The following COL28A1 variants were observed in gnomAD, a reference collection of about 807,000 sequenced individuals.
The protein encoded by COL28A1 is collagen alpha-1(XXVIII) chain.
Under a neutral mutation model 150.2 loss-of-function variants are expected in COL28A1, and 161 were observed. The observed-to-expected ratio is 1.07, with a 90% CI of 0.94 to 1.22. The LOEUF (loss-of-function observed/expected upper bound fraction) is 1.22, where lower values mean the gene tolerates loss of function less well. COL28A1 is among the 50% of genes most tolerant of loss of function. COL28A1 has a pLI of 0.00. For missense variants in COL28A1, 1,617 were observed against 1,388.3 expected, an observed-to-expected ratio of 1.16 and a Z score of -2.62; for synonymous variants, 552 against 469.7, an observed-to-expected ratio of 1.18 and a Z score of -2.26.
intron 11 of COL28A1, among the ~76,000 whole-genome samples, chr7:7,501,407 C>G (rs1780517111): frequency 6.6e-6 from 1 of 152,144 alleles, no homozygotes; most frequent in Non-Finnish European, 1.5e-5. Flanking sequence ...TGGGGTACTT[C>G]GAAATGTCAC....
At chr7:7,391,368 G>T (rs1029729732) in intron 27 of COL28A1, among the ~76,000 whole-genome samples, 1 of 152,004 alleles carries the variant, frequency 6.6e-6, no homozygotes, top group African/African-American at 2.4e-5. Context: ...CCATTCTTTT[G>T]CATTTGCTGA....
At chr7:7,388,957 T>G (rs1438672942) in intron 27 of COL28A1, among the ~76,000 whole-genome samples, 2 of 152,216 alleles carry the variant, frequency 1.3e-5, no homozygotes, top group East Asian at 3.8e-4. Context: ...GCCTGTTCAC[T>G]CTGATGATAG....
intron 16 of COL28A1, among the ~76,000 whole-genome samples, chr7:7,454,095 A>G (rs141423644): frequency 2.0e-5 from 3 of 152,320 alleles, no homozygotes; most frequent in African/African-American, 7.2e-5. Flanking sequence ...GGATATGCAC[A>G]TATGTGTACA....
At chr7:7,490,455 G>T in intron 12 of COL28A1, 123 bp downstream of exon 12, 1 of 503,036 alleles carries the variant, frequency 2.0e-6, no homozygotes, top group Non-Finnish European at 3.6e-6. Context: ...ATAAAATGAA[G>T]TAACTTCAGG....
chr7:7,539,063 C>A (rs1349677514), upstream of COL28A1, among the ~76,000 whole-genome samples: 1 of 151,606 alleles, frequency 6.6e-6, no homozygotes, highest in African/African-American at 2.4e-5. Flanking sequence ...TTCTGGGATT[C>A]ATTATCCTTG....
Position 7,373,554 on chromosome 7 carries a change from A to C in COL28A1, c.2360-8T>G. 6.2e-7 allele frequency: 1 copy of C among 1,601,320 alleles called. No homozygotes were observed. The highest frequency in any genetic ancestry group is 8.5e-7 in the Non-Finnish European group (1 of 1,173,906). On this transcript the variant is annotated splice_polypyrimidine_tract_variant and splice_region_variant and intron_variant, in intron 31 of 34. Transcript: ENST00000399429. The surrounding 1 kb of genome is among the most constrained non-coding windows in gnomAD (Gnocchi z 4.1). ...TGCATTTGGGCCCACAACCTAAAAG[A>C]TGAATGTTGAGAGAGAAAAATTGTG... is the stretch of plus-strand genomic sequence containing the variant.
rs772536499 is a variant in COL28A1, at chr7:7,474,680, A to C, written c.1234-11T>G. On this transcript the variant is annotated splice_polypyrimidine_tract_variant and intron_variant, in intron 14 of 34. Transcript: ENST00000399429. ...AGAACCTTTTTCACCCTGAAAGTAC[A>C]AGGGAGGGATATCAATGCACCAACC... is the stretch of plus-strand genomic sequence containing the variant. 4 of 1,220,760 alleles carry C rather than the reference A, an allele frequency of 3.3e-6. No homozygotes were observed. The East Asian group carries it at 9.3e-5, about 28-fold the overall frequency. The allele number at this position is 1,220,760 out of a possible 1,614,324, so 75.6% of individuals were successfully genotyped here. A position where few individuals can be genotyped will look rare whatever the true frequency, so the allele number is the denominator to read the frequency against.
chr7:7,510,743 T>G (rs57928001), intron 9 of COL28A1, among the ~76,000 whole-genome samples: 2,363 of 152,346 alleles, frequency 0.016, 66 homozygotes, highest in African/African-American at 0.054. Flanking sequence ...GTGCCTGTTT[T>G]CAGTGTTTGC....
chr7:7,454,205 G>T (rs898910484), intron 16 of COL28A1, among the ~76,000 whole-genome samples: 5 of 152,160 alleles, frequency 3.3e-5, no homozygotes, highest in South Asian at 2.1e-4. Context: ...ATTTAAGAGA[G>T]ATTGTAAACA....
At chr7:7,434,006 C>A (rs1785170369) in intron 23 of COL28A1, among the ~76,000 whole-genome samples, 1 of 152,110 alleles carries the variant, frequency 6.6e-6, no homozygotes, top group Admixed American at 6.5e-5. Flanking sequence ...AAACTATTCT[C>A]AACTATACTC....
chr7:7,404,653 T>TC (rs1022115891), intron 27 of COL28A1, among the ~76,000 whole-genome samples: 2 of 152,092 alleles, frequency 1.3e-5, no homozygotes, highest in Non-Finnish European at 2.9e-5. Context: ...CATAAGGCCA[T>TC]CCACTAAAAT....
rs201544798 is a variant in COL28A1, at chr7:7,453,483, G to A, written c.1397C>T (p.Pro466Leu). The change falls in exon 17 of 35, where the codon CCT (proline) becomes CTT (leucine). Residue 466 changes from proline to leucine, a missense_variant. Transcript: ENST00000399429. ...EQGIQGPIGPPGPQGPAGQGL... is the reference protein window; with the variant it reads ...EQGIQGPIGPLGPQGPAGQGL... ...CTGTCCTGCGGGCCCTTGTGGACCA[G>A]GTGGACCAATAGGACCTTGGATTCC... 6 of 1,259,350 alleles carry A rather than the reference G, an allele frequency of 4.8e-6. No homozygotes were observed. The South Asian group carries it at 6.1e-5, about 13-fold the overall frequency. 78.0% of individuals were successfully genotyped at this position (1,259,350 alleles called of 1,614,324 possible).
chr7:7,498,291 A>G (rs1780328432), intron 11 of COL28A1, among the ~76,000 whole-genome samples: 1 of 152,210 alleles, frequency 6.6e-6, no homozygotes, highest in Non-Finnish European at 1.5e-5. Flanking sequence ...TGAGAATCGC[A>G]GCTCTAGAAG....
intron 15 of COL28A1, among the ~76,000 whole-genome samples, chr7:7,462,169 G>C (rs1377757864): frequency 6.6e-6 from 1 of 152,092 alleles, no homozygotes; most frequent in Non-Finnish European, 1.5e-5. Flanking sequence ...CACATCCCTA[G>C]AAAAAGGATG....
chr7:7,440,713 G>A, intron 21 of COL28A1, 77 bp downstream of exon 21: 1 of 621,362 alleles, frequency 1.6e-6, no homozygotes, highest in Non-Finnish European at 2.9e-6. Flanking sequence ...CCAATTTTCA[G>A]TGGAAATTTA....
At chr7:7,350,258 G>A in the COL28A1 span, among the ~76,000 whole-genome samples, 2 of 152,104 alleles carry the variant, frequency 1.3e-5, no homozygotes, top group Non-Finnish European at 2.9e-5. Flanking sequence ...AGGAGTGAGG[G>A]AGATGAAAGG....
At position 7,429,846 on chromosome 7, in the gene COL28A1, A is replaced by G. The variant is rs1254334797; in HGVS notation, c.1998+2627T>C. Among the ~76,000 whole-genome samples, 4 of 152,132 alleles carry G rather than the reference A, an allele frequency of 2.6e-5. No homozygotes were observed. In the South Asian group the frequency reaches 6.2e-4, roughly 24 times the overall value. On this transcript the variant is annotated intron_variant, in intron 25 of 34. Coordinates refer to ENST00000399429, the MANE Select transcript of COL28A1 (RefSeq NM_001037763.3). ...CTCTGCCTGCAGCTGGAAGCAAACCATGGACTGCCGCTTCCACTCAGCCTT... is the reference window on the plus strand; with the variant it reads ...CTCTGCCTGCAGCTGGAAGCAAACCGTGGACTGCCGCTTCCACTCAGCCTT...
intron 14 of COL28A1, among the ~76,000 whole-genome samples, chr7:7,475,449 A>G (rs369233879): frequency 1.3e-5 from 2 of 152,308 alleles, no homozygotes; most frequent in East Asian, 1.9e-4. Flanking sequence ...ACAGAATATA[A>G]CTGCATATAC....
chr7:7,347,789 T>C, the COL28A1 span, among the ~76,000 whole-genome samples: 2 of 151,996 alleles, frequency 1.3e-5, no homozygotes, highest in Non-Finnish European at 2.9e-5. Flanking sequence ...CCCAACCTAA[T>C]ATGTTTGGGA....
Sources: allele counts gnomAD v4.1 joint callset (sites outside exome capture counted in the v4.1 genomes callset), GRCh38; gene constraint gnomAD v4.1.1; non-coding constraint Gnocchi (gnomAD v3.1); transcripts MANE v1.5; gene names NCBI Gene and HGNC (gene_info 2026-07-23, HGNC 2026-07-21).